TENM1: variants seen among roughly 807,000 people sequenced by gnomAD.
The protein encoded by TENM1 is teneurin-1.
Under a neutral mutation model 174.8 loss-of-function variants are expected in TENM1, and 35 were observed. The ratio of observed to expected loss-of-function variants is 0.20; its 90% CI spans 0.15 to 0.27. The LOEUF is 0.27. Ranked by LOEUF, TENM1 falls within the 10% of genes least tolerant of loss-of-function variation. The pLI, the probability that TENM1 is intolerant of heterozygous loss-of-function variation, is 1.00. For synonymous variants in TENM1, 781 were observed against 798.7 expected, an observed-to-expected ratio of 0.98 and a Z score of 0.37; for missense variants, 1,633 against 2,130.1, an observed-to-expected ratio of 0.77 and a Z score of 4.59.
chrX:124,607,730 G>C (rs1245888944), intron 11 of TENM1, among the ~76,000 whole-genome samples: 1 of 110,680 alleles, frequency 9.0e-6, no homozygotes, highest in Admixed American at 9.7e-5. Flanking sequence ...GATTTACAAA[G>C]GATTACTCTT....
chrX:125,098,469 G>A, the TENM1 span, among the ~76,000 whole-genome samples: 2 of 111,817 alleles, frequency 1.8e-5, no homozygotes, highest in East Asian at 2.8e-4. Flanking sequence ...TGCGTTTGTA[G>A]TTGGCATTTA....
intron 18 of TENM1, among the ~76,000 whole-genome samples, chrX:124,505,643 T>C (rs1163926788): frequency 9.0e-6 from 1 of 111,545 alleles, no homozygotes; most frequent in Non-Finnish European, 1.9e-5. Context: ...ACTGGTAGCG[T>C]AGTGGGAGGG....
the TENM1 span, among the ~76,000 whole-genome samples, chrX:124,992,242 A>T: frequency 9.0e-6 from 1 of 111,325 alleles, no homozygotes; most frequent in African/African-American, 3.3e-5. Context: ...ACTGTCCTGG[A>T]TCTTTGTAAT....
chrX:124,793,146 C>T (rs1198318502), intron 3 of TENM1, among the ~76,000 whole-genome samples: 1 of 111,365 alleles, frequency 9.0e-6, no homozygotes, highest in Non-Finnish European at 1.9e-5. Context: ...GTCTTTTCCT[C>T]ATGGGAGGAA....
chrX:124,886,544 TATATAGAGAGAGAGAG>T (rs1365730096), intron 3 of TENM1, among the ~76,000 whole-genome samples: 1 of 84,420 alleles, frequency 1.2e-5, no homozygotes, highest in African/African-American at 4.8e-5. Context: ...TATATATATA[TATATAGAGAGAGAGAG>T]AGAGAGAGAG....
the TENM1 span, among the ~76,000 whole-genome samples, chrX:125,022,901 T>C: frequency 8.9e-6 from 1 of 111,880 alleles, no homozygotes; most frequent in Non-Finnish European, 1.9e-5. Context: ...ATCATCTGTT[T>C]AAATATAAAT....
At chrX:124,476,564 T>C (rs149188465) in intron 22 of TENM1, among the ~76,000 whole-genome samples, 27 of 111,742 alleles carry the variant, frequency 2.4e-4, no homozygotes, top group African/African-American at 8.1e-4. Flanking sequence ...TACATGAGAA[T>C]AGAGATATAA....
chrX:124,533,778 T>G (rs2048154538), intron 15 of TENM1, among the ~76,000 whole-genome samples: 1 of 112,194 alleles, frequency 8.9e-6, no homozygotes, highest in Admixed American at 9.5e-5. Flanking sequence ...ACAGCAGCTA[T>G]GTGCCCAGCA....
At position 124,422,941 on chromosome X, in the gene TENM1, G is replaced by A. The variant is rs150307744; in HGVS notation, c.4105-303C>T. Among the ~76,000 whole-genome samples, 843 of 112,031 alleles carry A rather than the reference G, an allele frequency of 7.5e-3. 4 individuals carry two copies. The highest frequency in any genetic ancestry group is 0.021 in the South Asian group (56 of 2,665). ...TGGATCAGCAGCAACAGTATTATCT[G>A]GGAACTTGTGAGAAATGCAAATTCT... On this transcript the variant is annotated intron_variant, in intron 23 of 31. Transcript: ENST00000422452.
At position 124,584,910 on chromosome X, in the gene TENM1, A is replaced by C. The variant is rs1425220539; in HGVS notation, c.2078-19350T>G. Among the ~76,000 whole-genome samples, 8 of 110,202 alleles carry C rather than the reference A, an allele frequency of 7.3e-5. No individual in the cohort carries two copies. The East Asian group carries it at 2.3e-3, about 31-fold the overall frequency. On this transcript the variant is annotated intron_variant, in intron 11 of 31. Coordinates refer to ENST00000422452, the Ensembl canonical transcript of TENM1. ...CCTAGTCTCTGATAAAACAGACTTTAAACCAACAAAGATCAAAAGAGACAA... is the reference window on the plus strand; with the variant it reads ...CCTAGTCTCTGATAAAACAGACTTTCAACCAACAAAGATCAAAAGAGACAA...
At chrX:124,749,147 T>C (rs1362567664) in intron 3 of TENM1, among the ~76,000 whole-genome samples, 1 of 111,581 alleles carries the variant, frequency 9.0e-6, no homozygotes, top group Non-Finnish European at 1.9e-5. Context: ...CATGAGTCAA[T>C]ATAAGAACAG....
rs752880457 is a variant in TENM1 at position 124,683,169 on chromosome X, A to C, written c.1016-11334T>G. Among the ~76,000 whole-genome samples, 17 of 111,950 alleles carry C rather than the reference A, an allele frequency of 1.5e-4. No individual in the cohort carries two copies. In the South Asian group the frequency reaches 5.9e-3, roughly 39 times the overall value. On this transcript the variant is annotated intron_variant, in intron 5 of 31. Coordinates refer to ENST00000422452, the Ensembl canonical transcript of TENM1. ...ATATTTTGGAAAGAACACACCACAC[A>C]CAAGCCATTTGCCTCAATCTCCTCA...
chrX:124,673,018 C>A (rs1306129434), intron 5 of TENM1, among the ~76,000 whole-genome samples: 1 of 111,140 alleles, frequency 9.0e-6, no homozygotes, highest in Non-Finnish European at 1.9e-5. Flanking sequence ...GTAACATTTG[C>A]CATCTGTGAA....
At chrX:124,891,801 C>T (rs891662140) in intron 3 of TENM1, among the ~76,000 whole-genome samples, 1 of 111,806 alleles carries the variant, frequency 8.9e-6, no homozygotes, top group Non-Finnish European at 1.9e-5. Context: ...CACACTGTAG[C>T]ACTTTTATCC....
At chrX:124,808,202 G>A (rs2055664545) in intron 3 of TENM1, among the ~76,000 whole-genome samples, 1 of 111,603 alleles carries the variant, frequency 9.0e-6, no homozygotes, top group South Asian at 3.7e-4. Flanking sequence ...AGATAAAATA[G>A]ACGTTAAGGA....
intron 5 of TENM1, among the ~76,000 whole-genome samples, chrX:124,694,255 G>C (rs2052598455): frequency 2.7e-5 from 3 of 111,389 alleles, no homozygotes; most frequent in Admixed American, 9.6e-5. Context: ...TTTTTAATGG[G>C]AGTAATTCTT....
At chrX:124,789,981 G>C (rs2055143156) in intron 3 of TENM1, among the ~76,000 whole-genome samples, 2 of 112,153 alleles carry the variant, frequency 1.8e-5, no homozygotes, top group African/African-American at 6.5e-5. Flanking sequence ...AAACAAAGTG[G>C]TTTATTGGAC....
the TENM1 span, among the ~76,000 whole-genome samples, chrX:125,045,142 T>C: frequency 1.8e-5 from 2 of 111,386 alleles, no homozygotes; most frequent in Non-Finnish European, 3.8e-5. Flanking sequence ...CAAACACTTA[T>C]AAAACCATCA....
chrX:124,558,940 G>A (rs781328119), intron 14 of TENM1, among the ~76,000 whole-genome samples: 1 of 111,518 alleles, frequency 9.0e-6, no homozygotes, highest in East Asian at 2.8e-4. Flanking sequence ...GTCAATACAC[G>A]TTCAGTGAAA....
Sources: allele counts gnomAD v4.1 joint callset (sites outside exome capture counted in the v4.1 genomes callset), GRCh38; gene constraint gnomAD v4.1.1; transcripts MANE v1.5; gene names NCBI Gene and HGNC (gene_info 2026-07-23, HGNC 2026-07-21).